OR51B5: variants seen among roughly 807,000 people sequenced by gnomAD.
OR51B5 encodes the protein olfactory receptor family 51 subfamily B member 5.
For missense variants in OR51B5, 456 were observed against 374.6 expected (o/e 1.22, Z -1.79); for synonymous variants, 186 against 144.8 (o/e 1.28, Z -2.04).
chr11:5,470,248 C>T (rs1851207066), intron 1 of OR51B5, among the ~76,000 whole-genome samples: 1 of 152,146 alleles, frequency 6.6e-6, no homozygotes, highest in African/African-American at 2.4e-5. Flanking sequence ...GTGTGAGTAT[C>T]AGGAATTTAG....
At chr11:5,342,586 T>C in exon 1 of OR51B5, 1 of 1,569,562 alleles carries the variant, frequency 6.4e-7, no homozygotes, top group Non-Finnish European at 8.6e-7. Context: ...TGATTGGAGA[T>C]CAGGTTCCAA....
At chr11:5,441,826 G>C (rs1235957440) in intron 1 of OR51B5, among the ~76,000 whole-genome samples, 1 of 152,130 alleles carries the variant, frequency 6.6e-6, no homozygotes, top group Non-Finnish European at 1.5e-5. Flanking sequence ...ACCAGAAAGA[G>C]GAAATGCATC....
intron 1 of OR51B5, chr11:5,352,102 G>T (rs775043301): frequency 6.2e-7 from 1 of 1,614,016 alleles, no homozygotes; most frequent in Admixed American, 1.7e-5. Flanking sequence ...CTATCCAGTT[G>T]TAGTTTTATT....
chr11:5,361,551 T>C (rs12808394), intron 1 of OR51B5, among the ~76,000 whole-genome samples: 57,601 of 151,832 alleles, frequency 0.38, 11,135 homozygotes, highest in Non-Finnish European at 0.41. Flanking sequence ...CGCATAGGAA[T>C]GAGCAGTAGA....
chr11:5,371,535 T>C (rs2133707276), intron 1 of OR51B5, among the ~76,000 whole-genome samples: 1 of 152,210 alleles, frequency 6.6e-6, no homozygotes, highest in South Asian at 2.1e-4. Context: ...ATCCAAAGGG[T>C]TACATAAGTT....
At chr11:5,444,118 A>T (rs887431476) in intron 1 of OR51B5, among the ~76,000 whole-genome samples, 1 of 152,156 alleles carries the variant, frequency 6.6e-6, no homozygotes, top group Non-Finnish European at 1.5e-5. Context: ...CAGTGTCACA[A>T]ATGCATCAGC....
chr11:5,465,814 G>A lies in OR51B5; in HGVS notation n.84+39755C>T, dbSNP rs796477386. Among the ~76,000 whole-genome samples the A allele has an allele frequency of 9.4e-4, 140 of 148,816 alleles. 3 individuals carry two copies. The highest frequency in any genetic ancestry group is 3.4e-3 in the African/African-American group (138 of 40,202). On this transcript the variant is annotated intron_variant and non_coding_transcript_variant, in intron 1 of 4. Coordinates refer to the OR51B5 transcript ENST00000415970. ...CCTTATACAAAAATCAATTCAAGAT[G>A]GATTAAAGACTTAAACGTTAGACCT...
intron 1 of OR51B5, among the ~76,000 whole-genome samples, chr11:5,387,332 C>G (rs1281098977): frequency 6.6e-6 from 1 of 151,948 alleles, no homozygotes; most frequent in Non-Finnish European, 1.5e-5. Flanking sequence ...GCATTTGGCC[C>G]CTAGAAGTCA....
intron 1 of OR51B5, among the ~76,000 whole-genome samples, chr11:5,369,527 T>A (rs10768886): frequency 0.96 from 145,767 of 152,192 alleles, 70,196 homozygotes; most frequent in Non-Finnish European, 0.98. Context: ...TAAGTAGTTG[T>A]ATTTTTAAAA....
At chr11:5,431,142 A>G (rs1850528907) in intron 1 of OR51B5, 1 of 402,290 alleles carries the variant, frequency 2.5e-6, no homozygotes, top group Non-Finnish European at 5.0e-6. Flanking sequence ...TGAGTGCCAC[A>G]CTCTTCAGTG....
At chr11:5,403,092 C>T (rs1849997961) in intron 1 of OR51B5, 1 of 471,462 alleles carries the variant, frequency 2.1e-6, no homozygotes, top group African/African-American at 2.0e-5. Context: ...TGCCCATTCT[C>T]TTATGGCGTC....
At chr11:5,426,487 G>T (rs1850452272) in intron 1 of OR51B5, among the ~76,000 whole-genome samples, 1 of 152,076 alleles carries the variant, frequency 6.6e-6, no homozygotes, top group Non-Finnish European at 1.5e-5. Flanking sequence ...TTCCGGGGAA[G>T]GGGGGAGTTG....
chr11:5,388,293 A>T (rs1310512920), intron 1 of OR51B5, among the ~76,000 whole-genome samples: 1 of 152,012 alleles, frequency 6.6e-6, no homozygotes, highest in African/African-American at 2.4e-5. Context: ...ACATTATAGA[A>T]GCAATACAGA....
At chr11:5,453,709 C>T in intron 1 of OR51B5, 1 of 1,612,740 alleles carries the variant, frequency 6.2e-7, no homozygotes, top group East Asian at 2.2e-5. Context: ...GTGGCCATAT[C>T]CATGGCCACA....
In OR51B5 at chr11:5,411,391, T is replaced by C. The variant is rs1370983459; in HGVS notation, n.85-64481A>G. 3.3e-5 allele frequency among the ~76,000 whole-genome samples: 5 copies of C among 152,208 alleles called. No individual in the cohort carries two copies. In the South Asian group the frequency reaches 6.4e-4, roughly 19 times the overall value. On this transcript the variant is annotated intron_variant and non_coding_transcript_variant, in intron 1 of 4. Coordinates refer to the OR51B5 transcript ENST00000415970. ...TGTAGTAAGCTGTACCATCTAGGCT[T>C]GTGTGAGTACAGTATGATGTTGGCA...
chr11:5,382,586 T>C (rs979786694), intron 1 of OR51B5, among the ~76,000 whole-genome samples: 1 of 152,218 alleles, frequency 6.6e-6, no homozygotes, highest in Non-Finnish European at 1.5e-5. Flanking sequence ...ATGTTCTTAA[T>C]AAATGCAGGA....
At chr11:5,389,365 A>C (rs998561794) in intron 1 of OR51B5, 1 of 1,593,412 alleles carries the variant, frequency 6.3e-7, no homozygotes, top group African/African-American at 1.3e-5. Flanking sequence ...AATAACCAGA[A>C]ATATCCATTT....
intron 1 of OR51B5, among the ~76,000 whole-genome samples, chr11:5,417,228 A>G (rs1051368011): frequency 2.0e-5 from 3 of 150,430 alleles, no homozygotes; most frequent in South Asian, 2.1e-4. Context: ...AGCCATATGT[A>G]GAAAGCTGAA....
chr11:5,396,106 G>C (rs1849866191), intron 1 of OR51B5, among the ~76,000 whole-genome samples: 1 of 152,162 alleles, frequency 6.6e-6, no homozygotes, highest in Non-Finnish European at 1.5e-5. Context: ...TCTGGTCCCA[G>C]AGACACTGCT....
Sources: allele counts gnomAD v4.1 joint callset (sites outside exome capture counted in the v4.1 genomes callset), GRCh38; gene constraint gnomAD v4.1.1; transcripts MANE v1.5; gene names NCBI Gene and HGNC (gene_info 2026-07-23, HGNC 2026-07-21).